The following BRDT variants were observed in gnomAD, a reference collection of about 807,000 sequenced individuals.
BRDT encodes bromodomain testis-specific protein.
A neutral mutation model predicts 113.9 loss-of-function variants in BRDT; 77 were observed. The observed-to-expected ratio is 0.68, with a 90% confidence interval of 0.56 to 0.82. The LOEUF is 0.82. Among genes scored for constraint, BRDT ranks in the 40% least tolerant of loss-of-function variants. The pLI, the probability that BRDT is intolerant of heterozygous loss-of-function variation, is 0.00. For missense variants in BRDT, 1,027 were observed against 1,105.4 expected, an observed-to-expected ratio of 0.93 and a Z score of 1.01; for synonymous variants, 358 against 366.5, an observed-to-expected ratio of 0.98 and a Z score of 0.26.
chr1:91,951,506 GA>G (rs367625550), intron 1 of BRDT, among the ~76,000 whole-genome samples: 4 of 151,628 alleles, frequency 2.6e-5, no homozygotes, highest in African/African-American at 7.3e-5. Flanking sequence ...TAAAAAAAAA[GA>G]AAAAAAAGGC....
At chr1:92,006,611 C>T (rs1193390713) in intron 18 of BRDT, among the ~76,000 whole-genome samples, 2 of 151,402 alleles carry the variant, frequency 1.3e-5, no homozygotes, top group Admixed American at 6.6e-5. Flanking sequence ...GGATTACAGG[C>T]GCACGCCACC....
At chr1:91,952,845 G>C (rs1446811911) in intron 1 of BRDT, among the ~76,000 whole-genome samples, 1 of 150,844 alleles carries the variant, frequency 6.6e-6, no homozygotes, top group Non-Finnish European at 1.5e-5. Flanking sequence ...GTTATCTAGA[G>C]TCCCTGGGAA....
rs66466350 is a variant in BRDT at position 91,969,823 on chromosome 1, G to GTTTT, written c.445+1582_445+1585dup. Among the ~76,000 whole-genome samples, 12 of 71,708 alleles carry GTTTT rather than the reference G, an allele frequency of 1.7e-4. 1 individual carries two copies. The highest frequency in any genetic ancestry group is 4.0e-4 in the African/African-American group (8 of 20,230). 47.0% of individuals were successfully genotyped at this position (71,708 alleles called of 152,430 possible). On this transcript the variant is annotated intron_variant, in intron 4 of 18. Coordinates refer to ENST00000399546, the MANE Select transcript of BRDT (RefSeq NM_207189.4). ...TTTTTTTGTTTTTGTGTGTGTGTGT[G>GTTTT]TTTTTTTTTTTTTTTTTTTTTTGAG...
chr1:91,964,651 C>A lies in BRDT; in HGVS notation c.217C>A (p.Pro73Thr). Residue 73 changes from proline to threonine, a missense_variant, in exon 3 of 19, where the codon CCA becomes ACA. By Grantham distance (38) the Pro-to-Thr change is conservative (BLOSUM62 -1). Transcript: ENST00000399546. ...LPDYYTIIKN[P>T]MDLNTIKKRL... ...GGATTATTATACCATTATAAAAAAC[C>A]CAATGGATTTAAATACAATTAAGAA... 2.8e-6 allele frequency: 4 copies of A among 1,445,338 alleles called. No homozygotes were observed. The highest frequency in any genetic ancestry group is 1.4e-5 in the South Asian group (1 of 73,518). The allele number at this position is 1,445,338 out of a possible 1,614,324, so 89.5% of individuals were successfully genotyped here. A position where few individuals can be genotyped will look rare whatever the true frequency, so the allele number is the denominator to read the frequency against.
chr1:91,968,684 T>G (rs1256180526), intron 4 of BRDT, among the ~76,000 whole-genome samples: 1 of 152,228 alleles, frequency 6.6e-6, no homozygotes. Flanking sequence ...TCCTAACTTT[T>G]TCTTCACTCA....
chr1:91,975,169 A>T (rs1684011706), intron 4 of BRDT, among the ~76,000 whole-genome samples: 4 of 152,154 alleles, frequency 2.6e-5, no homozygotes, highest in Admixed American at 1.3e-4. Context: ...ATTAGGAGAT[A>T]TGCCTAATGT....
intron 1 of BRDT, among the ~76,000 whole-genome samples, chr1:91,961,141 C>T (rs1261334341): frequency 2.0e-5 from 3 of 151,296 alleles, no homozygotes; most frequent in Non-Finnish European, 4.4e-5. Flanking sequence ...TGAAACCCTG[C>T]CTGTACTAAA....
At chr1:91,993,324 C>CAG (rs1281618323) in intron 14 of BRDT, among the ~76,000 whole-genome samples, 1 of 152,182 alleles carries the variant, frequency 6.6e-6, no homozygotes, top group African/African-American at 2.4e-5. Flanking sequence ...ATCTACAACT[C>CAG]AGAGCTTAGT....
At chr1:91,977,580 A>G (rs985881319) in intron 6 of BRDT, 187 bp downstream of exon 6, 5 of 509,032 alleles carry the variant, frequency 9.8e-6, no homozygotes, top group East Asian at 3.8e-5. Context: ...GAACATGTCC[A>G]TGGTTCTAGG....
chr1:92,004,052 T>G (rs1254401402), intron 16 of BRDT, among the ~76,000 whole-genome samples: 1 of 152,124 alleles, frequency 6.6e-6, no homozygotes, highest in Non-Finnish European at 1.5e-5. Context: ...TATTAATCCT[T>G]TGAGCATTTT....
At position 91,976,380 on chromosome 1, in the gene BRDT, C is replaced by G. The variant is rs1570514779; in HGVS notation, c.560C>G (p.Ser187Cys). 8.1e-6 allele frequency: 13 copies of G among 1,612,206 alleles called. No individual in the cohort carries two copies. The East Asian group carries it at 2.7e-4, about 33-fold the overall frequency. Residue 187 changes from serine (S) to cysteine (C), a missense_variant, in exon 5 of 19, where the codon TCT becomes TGT. By Grantham distance (112) the Ser-to-Cys change is moderately radical. Transcript: ENST00000399546. ...IPSVFPKTSISPLNVVQGASV... is the reference protein window; with the variant it reads ...IPSVFPKTSICPLNVVQGASV... ...TCTGTATTTCCTAAGACATCTATTT[C>G]TCCCTTGAACGTGGTACAGGGAGCT...
chr1:91,994,228 C>T lies in BRDT; in HGVS notation c.2261C>T (p.Ser754Leu). Residue 754 changes from serine to leucine, a missense_variant, in exon 15 of 19, where the codon TCA becomes TTA. Transcript: ENST00000399546. ...LEHLQTVKNI[S>L]PLQILPPSGD... ...CATTTACAGACTGTGAAAAACATTTCACCTTTACAAATTCTGCCTCCCTCA... is the reference window on the plus strand; with the variant it reads ...CATTTACAGACTGTGAAAAACATTTTACCTTTACAAATTCTGCCTCCCTCA... 1 of 1,607,946 alleles carries T rather than the reference C, an allele frequency of 6.2e-7. No individual in the cohort carries two copies. Among genetic ancestry groups the T allele is most frequent in the East Asian group, 2.2e-5 (1 of 44,734 alleles).
chr1:92,011,805 AGCCCAGCCTCTTGCT>A (rs1463517911), intron 18 of BRDT, among the ~76,000 whole-genome samples: 1 of 152,194 alleles, frequency 6.6e-6, no homozygotes, highest in African/African-American at 2.4e-5. Flanking sequence ...CATTTTTGAC[AGCCCAGCCTCTTGCT>A]GCCAGTCGAA....
chr1:91,954,815 T>C (rs1224669317), intron 1 of BRDT, among the ~76,000 whole-genome samples: 1 of 151,810 alleles, frequency 6.6e-6, no homozygotes, highest in Non-Finnish European at 1.5e-5. Flanking sequence ...TTAAAAAAAT[T>C]AGCCAGGTGT....
At chr1:92,010,511 T>A (rs1046417161) in intron 18 of BRDT, among the ~76,000 whole-genome samples, 2 of 152,076 alleles carry the variant, frequency 1.3e-5, no homozygotes, top group African/African-American at 4.8e-5. Context: ...AGTCTCAAAC[T>A]CCTGTCCTTA....
intron 15 of BRDT, among the ~76,000 whole-genome samples, chr1:91,998,019 G>C (rs1029716353): frequency 6.6e-6 from 1 of 152,174 alleles, no homozygotes; most frequent in African/African-American, 2.4e-5. Flanking sequence ...GAATTTTTAA[G>C]TGTTACTGGT....
intron 1 of BRDT, among the ~76,000 whole-genome samples, chr1:91,957,871 C>T (rs925177410): frequency 6.6e-6 from 1 of 152,036 alleles, no homozygotes; most frequent in Non-Finnish European, 1.5e-5. Flanking sequence ...TTGAGAGAGT[C>T]TTGCTGTGTC....
At chr1:91,962,575 C>G (rs1248921512) in intron 1 of BRDT, 143 bp from the exon 2 acceptor site, 3 of 401,468 alleles carry the variant, frequency 7.5e-6, no homozygotes, top group Admixed American at 4.5e-5. Flanking sequence ...CTCAAGTGAT[C>G]CACCCGCCTT....
chr1:91,976,453 G>A lies in BRDT; in HGVS notation c.618+15G>A, dbSNP rs1684150653. 3 of 1,511,430 alleles carry A rather than the reference G, an allele frequency of 2.0e-6. No individual in the cohort carries two copies. The highest frequency in any genetic ancestry group is 2.6e-6 in the Non-Finnish European group (3 of 1,133,418). 93.6% of individuals were successfully genotyped at this position (1,511,430 alleles called of 1,614,324 possible). On this transcript the variant is annotated intron_variant, in intron 5 of 18. Coordinates refer to ENST00000399546, the MANE Select transcript of BRDT (RefSeq NM_207189.4). ...CTGCGGCCCAAGTAAGTTTGTTGTA[G>A]TTTTTAAATCATTGCTTTTTAACAC...
Sources: allele counts gnomAD v4.1 joint callset (sites outside exome capture counted in the v4.1 genomes callset), GRCh38; gene constraint gnomAD v4.1.1; transcripts MANE v1.5; gene names NCBI Gene and HGNC (gene_info 2026-07-23, HGNC 2026-07-21).